LRTM3: variants seen among roughly 807,000 people sequenced by gnomAD.
LRTM3 encodes the protein leucine rich repeat transmembrane protein 3, also known as leucine-rich repeat transmembrane protein 3.
At chr13:102,746,753 T>C in the LRTM3 span, 3 of 1,551,180 alleles carry the variant, frequency 1.9e-6, no homozygotes, top group South Asian at 3.6e-5. Context: ...TGCAAAACAG[T>C]AACCCATTTC....
chr13:102,739,999 T>C, the LRTM3 span: 3 of 1,550,402 alleles, frequency 1.9e-6, 1 homozygote, highest in Non-Finnish European at 1.7e-6. Flanking sequence ...ATATCACGCC[T>C]TTCCTAATAA....
the LRTM3 span, chr13:102,734,292 C>T: frequency 6.4e-7 from 1 of 1,551,362 alleles, no homozygotes. Context: ...TTCTCTGTAT[C>T]TGGTAATGCT....
the LRTM3 span, among the ~76,000 whole-genome samples, chr13:102,758,168 A>G: frequency 0.073 from 11,157 of 152,254 alleles, 535 homozygotes; most frequent in South Asian, 0.11. Context: ...TATCCTCTTC[A>G]AGCTTTATTT....
chr13:102,731,032 C>T, the LRTM3 span: 1 of 1,551,418 alleles, frequency 6.4e-7, no homozygotes, highest in Non-Finnish European at 8.7e-7. Flanking sequence ...CCAATGTTTT[C>T]ACAGAAAAGT....
At chr13:102,743,782 TGAC>T in the LRTM3 span, 2 of 1,550,564 alleles carry the variant, frequency 1.3e-6, no homozygotes, top group Non-Finnish European at 8.7e-7. Flanking sequence ...TCTGTGAAAT[TGAC>T]GACTTCTTTT....
the LRTM3 span, among the ~76,000 whole-genome samples, chr13:102,750,806 T>TA: frequency 6.6e-6 from 1 of 152,194 alleles, no homozygotes; most frequent in Admixed American, 6.5e-5. Flanking sequence ...TGTCTATAGA[T>TA]AAATCCAGAT....
chr13:102,746,206 G>C, the LRTM3 span: 1 of 1,550,812 alleles, frequency 6.4e-7, no homozygotes, highest in Non-Finnish European at 8.7e-7. Flanking sequence ...TCAGCACTGG[G>C]TCTGATTCAA....
chr13:102,750,227 G>A, the LRTM3 span: 1 of 1,551,364 alleles, frequency 6.4e-7, no homozygotes, highest in Non-Finnish European at 8.7e-7. Context: ...TCCATTTGAA[G>A]ATGGCACATG....
the LRTM3 span, among the ~76,000 whole-genome samples, chr13:102,754,107 G>A: frequency 6.6e-6 from 1 of 150,670 alleles, no homozygotes; most frequent in African/African-American, 2.4e-5. Context: ...TCGGGAGGCT[G>A]AGGCAGGAGA....
At chr13:102,734,375 AGTTTAAG>A in the LRTM3 span, 1 of 1,551,368 alleles carries the variant, frequency 6.4e-7, no homozygotes, top group South Asian at 1.2e-5. Flanking sequence ...AGCTCTCTCC[AGTTTAAG>A]GTTAGATGGC....
the LRTM3 span, among the ~76,000 whole-genome samples, chr13:102,758,144 G>C: frequency 5.3e-5 from 8 of 152,266 alleles, no homozygotes; most frequent in East Asian, 1.5e-3. Context: ...GTTAGAGTAG[G>C]AAAGCAAGTC....
the LRTM3 span, chr13:102,729,805 A>C: frequency 1.3e-6 from 2 of 1,551,854 alleles, no homozygotes; most frequent in Non-Finnish European, 1.7e-6. Flanking sequence ...TGCTGTGTGT[A>C]CAACTGTAAT....
the LRTM3 span, chr13:102,733,965 T>A: frequency 9.0e-6 from 14 of 1,551,204 alleles, no homozygotes; most frequent in Non-Finnish European, 1.2e-5. Flanking sequence ...GATGATCCTG[T>A]AATTCCTGGA....
chr13:102,741,046 G>A, the LRTM3 span: 1 of 1,550,044 alleles, frequency 6.5e-7, no homozygotes. Context: ...TTGAACTCAT[G>A]ATTTCTTCTG....
chr13:102,750,654 G>T, the LRTM3 span, among the ~76,000 whole-genome samples: 51 of 152,194 alleles, frequency 3.4e-4, no homozygotes, highest in African/African-American at 1.2e-3. Flanking sequence ...TGACAAGATT[G>T]GGTCAAAGTT....
the LRTM3 span, chr13:102,734,053 A>C: frequency 6.4e-7 from 1 of 1,551,492 alleles, no homozygotes; most frequent in South Asian, 1.2e-5. Flanking sequence ...TCCTTGACAG[A>C]ACCACACATG....
chr13:102,748,913 T>C, the LRTM3 span: 62 of 1,550,468 alleles, frequency 4.0e-5, no homozygotes, highest in Non-Finnish European at 5.1e-5. Flanking sequence ...TCCTGTCTCC[T>C]CAAGAGGACC....
chr13:102,736,242 G>A, the LRTM3 span: 32 of 1,549,946 alleles, frequency 2.1e-5, no homozygotes, highest in Middle Eastern at 1.7e-4. Flanking sequence ...ACATGAGGAC[G>A]TCCTGTCCTG....
chr13:102,741,986 A>G, the LRTM3 span: 1,282 of 1,550,610 alleles, frequency 8.3e-4, 8 homozygotes, highest in African/African-American at 0.014. Context: ...AATGCTGGAC[A>G]TATCAGTACA....
Sources: gnomAD v4.1 joint callset for allele counts (sites outside exome capture counted in the v4.1 genomes callset) on GRCh38, gnomAD v4.1.1 for gene constraint, MANE v1.5 for transcripts, NCBI Gene and HGNC (gene_info 2026-07-23, HGNC 2026-07-21) for gene names.